The following RABGAP1L variants were observed in gnomAD, a reference collection of about 807,000 sequenced individuals.
RABGAP1L encodes the protein rab GTPase-activating protein 1-like.
RABGAP1L carries 63 observed loss-of-function variants against 137.7 expected under a neutral mutation model. The observed-to-expected ratio is 0.46, with a 90% CI of 0.37 to 0.56. The LOEUF (loss-of-function observed/expected upper bound fraction) is 0.56, where lower values mean the gene tolerates loss of function less well. RABGAP1L is among the 20% of genes least tolerant of loss of function. RABGAP1L has a pLI of 0.00. For missense variants in RABGAP1L, 1,095 were observed against 1,244.0 expected (o/e 0.88, Z 1.80); for synonymous variants, 431 against 433.7 (o/e 0.99, Z 0.08).
At chr1:174,436,979 G>C (rs1349006471) in intron 13 of RABGAP1L, among the ~76,000 whole-genome samples, 1 of 152,108 alleles carries the variant, frequency 6.6e-6, no homozygotes. Context: ...GGACCTCCAG[G>C]AAACTCCAAC....
intron 17 of RABGAP1L, among the ~76,000 whole-genome samples, chr1:174,736,540 A>G (rs1682958479): frequency 6.6e-6 from 1 of 152,246 alleles, no homozygotes; most frequent in Admixed American, 6.5e-5. Context: ...GAAGGGAAAC[A>G]GCCTCTTTCC....
At chr1:174,613,840 T>C (rs1671513202) in intron 13 of RABGAP1L, among the ~76,000 whole-genome samples, 1 of 152,204 alleles carries the variant, frequency 6.6e-6, no homozygotes, top group African/African-American at 2.4e-5. Flanking sequence ...TTGATCTTTG[T>C]TGGTGTAAAG....
intron 13 of RABGAP1L, among the ~76,000 whole-genome samples, chr1:174,573,484 A>G (rs1028216795): frequency 6.6e-6 from 1 of 152,146 alleles, no homozygotes; most frequent in Non-Finnish European, 1.5e-5. Flanking sequence ...CTTGGTTTAC[A>G]CAGAAATATT....
Position 174,503,026 on chromosome 1 carries a change from A to G in RABGAP1L, c.1710+108881A>G, listed in dbSNP as rs142621344. Among the ~76,000 whole-genome samples, 103 of 152,302 alleles carry G rather than the reference A, an allele frequency of 6.8e-4. 1 individual carries two copies. Among genetic ancestry groups the G allele is most frequent in the African/African-American group, 2.3e-3 (95 of 41,560 alleles). The stretch of plus-strand genomic sequence containing the variant: ...CATTCATGTGCTTGTGCATACATAC[A>G]TATGTGAGTGCAGACATGACCATGG... On this transcript the variant is annotated intron_variant, in intron 13 of 25. Coordinates refer to ENST00000681986, the MANE Select transcript of RABGAP1L (RefSeq NM_001366446.1).
intron 5 of RABGAP1L, among the ~76,000 whole-genome samples, chr1:174,249,250 C>T (rs1399824221): frequency 6.6e-6 from 1 of 152,130 alleles, no homozygotes; most frequent in African/African-American, 2.4e-5. Context: ...ACACTTATAG[C>T]ACAACAACAT....
intron 3 of RABGAP1L, among the ~76,000 whole-genome samples, chr1:174,228,724 G>A (rs1265410999): frequency 6.6e-6 from 1 of 152,152 alleles, no homozygotes; most frequent in African/African-American, 2.4e-5. Context: ...ATATTTAGGA[G>A]CTGCAGTTGG....
At chr1:174,491,837 C>T (rs1251855002) in intron 13 of RABGAP1L, among the ~76,000 whole-genome samples, 1 of 152,116 alleles carries the variant, frequency 6.6e-6, no homozygotes, top group Non-Finnish European at 1.5e-5. Context: ...TAAGTACAGC[C>T]TGGTTCTGCT....
At chr1:174,580,812 A>G (rs1392765844) in intron 13 of RABGAP1L, among the ~76,000 whole-genome samples, 2 of 152,230 alleles carry the variant, frequency 1.3e-5, no homozygotes, top group African/African-American at 4.8e-5. Flanking sequence ...GGAATATATC[A>G]ATAATTTTTA....
At chr1:174,854,760 T>G (rs1285902583) in intron 19 of RABGAP1L, among the ~76,000 whole-genome samples, 2 of 105,250 alleles carry the variant, frequency 1.9e-5, no homozygotes, top group East Asian at 4.2e-4. Context: ...TTTTTTTTTT[T>G]GAGACGTTGT....
intron 19 of RABGAP1L, chr1:174,892,931 G>A (rs1189298262): frequency 3.3e-5 from 4 of 119,462 alleles, no homozygotes. Context: ...TGTATTTTTA[G>A]TAGAGACAGG....
intron 1 of RABGAP1L, among the ~76,000 whole-genome samples, chr1:174,185,176 A>G (rs1239204142): frequency 6.6e-6 from 1 of 152,220 alleles, no homozygotes; most frequent in East Asian, 1.9e-4. Context: ...TAGTGACAGT[A>G]TCTGCAAAAT....
intron 13 of RABGAP1L, among the ~76,000 whole-genome samples, chr1:174,410,462 A>G (rs770201425): frequency 6.6e-6 from 1 of 152,156 alleles, no homozygotes; most frequent in Non-Finnish European, 1.5e-5. Flanking sequence ...TAGCAGGGAT[A>G]ATGTGTGGCT....
intron 19 of RABGAP1L, among the ~76,000 whole-genome samples, chr1:174,938,231 T>C (rs1026585644): frequency 5.3e-5 from 8 of 152,214 alleles, no homozygotes; most frequent in African/African-American, 1.9e-4. Flanking sequence ...ACTGTATGTC[T>C]GTAGATTTCT....
chr1:174,393,618 A>G (rs1471408518), intron 12 of RABGAP1L, among the ~76,000 whole-genome samples: 1 of 152,186 alleles, frequency 6.6e-6, no homozygotes, highest in African/African-American at 2.4e-5. Context: ...ACCACACATC[A>G]TTGTCCAGCT....
At chr1:174,895,399 A>G (rs910834208) in intron 19 of RABGAP1L, among the ~76,000 whole-genome samples, 21 of 149,360 alleles carry the variant, frequency 1.4e-4, no homozygotes, top group African/African-American at 4.8e-4. Context: ...GTGAAATGGC[A>G]TTCAGCCTAT....
intron 13 of RABGAP1L, among the ~76,000 whole-genome samples, chr1:174,479,834 G>A (rs1305718818): frequency 6.6e-6 from 1 of 152,178 alleles, no homozygotes; most frequent in Non-Finnish European, 1.5e-5. Flanking sequence ...TATATTAAAT[G>A]TTGAATGGAT....
At chr1:174,987,678 T>C (rs1303585726) in intron 24 of RABGAP1L, among the ~76,000 whole-genome samples, 2 of 152,196 alleles carry the variant, frequency 1.3e-5, no homozygotes, top group Non-Finnish European at 2.9e-5. Context: ...AGAAATAGCA[T>C]GTAATATCTT....
intron 13 of RABGAP1L, among the ~76,000 whole-genome samples, chr1:174,533,059 C>T (rs1664571716): frequency 6.6e-6 from 1 of 152,092 alleles, no homozygotes; most frequent in African/African-American, 2.4e-5. Flanking sequence ...ACAGTGAAAC[C>T]CTGTCTCTAC....
At chr1:174,193,365 C>T (rs928670684) in intron 1 of RABGAP1L, among the ~76,000 whole-genome samples, 1 of 152,172 alleles carries the variant, frequency 6.6e-6, no homozygotes, top group African/African-American at 2.4e-5. Flanking sequence ...AACCCTGTCT[C>T]TACTAAAAAT....
Sources: gnomAD v4.1 joint callset for allele counts (sites outside exome capture counted in the v4.1 genomes callset) on GRCh38, gnomAD v4.1.1 for gene constraint, MANE v1.5 for transcripts, NCBI Gene and HGNC (gene_info 2026-07-23, HGNC 2026-07-21) for gene names.